PKIB: variants seen among roughly 807,000 people sequenced by gnomAD.
PKIB encodes the protein PKI-beta.
Under a neutral mutation model 4.5 loss-of-function variants are expected in PKIB, and 2 were observed. That is an observed-to-expected ratio of 0.44 (90% confidence interval 0.18 to 1.39). The LOEUF is 1.39. Among genes scored for constraint, PKIB ranks in the 40% most tolerant of loss-of-function variants. PKIB has a pLI of 0.27. For missense variants in PKIB, 94 were observed against 92.6 expected (o/e 1.02, Z -0.06); for synonymous variants, 38 against 36.0 (o/e 1.06, Z -0.20).
chr6:122,618,417 T>C (rs1299598509), intron 1 of PKIB, among the ~76,000 whole-genome samples: 1 of 152,112 alleles, frequency 6.6e-6, no homozygotes, highest in African/African-American at 2.4e-5. Context: ...GGGCAAGTAA[T>C]GTTTTCCACT....
At chr6:122,587,515 G>GATT (rs1773886908) in intron 3 of PKIB, among the ~76,000 whole-genome samples, 1 of 152,188 alleles carries the variant, frequency 6.6e-6, no homozygotes, top group Non-Finnish European at 1.5e-5. Flanking sequence ...ATAGCAGCAT[G>GATT]ATTTATAATC....
At chr6:122,608,192 C>T (rs755387701), upstream of PKIB, among the ~76,000 whole-genome samples, 23 of 152,138 alleles carry the variant, frequency 1.5e-4, no homozygotes, top group Non-Finnish European at 3.1e-4. Context: ...AGTTCTTGGA[C>T]TCTTCCTTCT....
intron 3 of PKIB, among the ~76,000 whole-genome samples, chr6:122,685,089 C>A (rs1207139210): frequency 6.6e-6 from 1 of 152,058 alleles, no homozygotes; most frequent in East Asian, 1.9e-4. Flanking sequence ...TAGTCACTTG[C>A]CCCCGGTCAT....
chr6:122,542,776 T>C (rs1013149352), intron 2 of PKIB, among the ~76,000 whole-genome samples: 1 of 152,142 alleles, frequency 6.6e-6, no homozygotes, highest in African/African-American at 2.4e-5. Context: ...CTGCAGAGGT[T>C]ACTGCTGTCT....
At chr6:122,673,633 C>T (rs1777551329) in intron 2 of PKIB, among the ~76,000 whole-genome samples, 1 of 152,170 alleles carries the variant, frequency 6.6e-6, no homozygotes, top group Non-Finnish European at 1.5e-5. Context: ...TTTTAAAATT[C>T]TTCCAAGGTG....
At chr6:122,594,089 A>G (rs1774094004) in intron 3 of PKIB, among the ~76,000 whole-genome samples, 1 of 152,196 alleles carries the variant, frequency 6.6e-6, no homozygotes, top group Non-Finnish European at 1.5e-5. Flanking sequence ...CCTTTGTACA[A>G]CCAGAAATGC....
chr6:122,640,073 G>A (rs764670694), intron 2 of PKIB, among the ~76,000 whole-genome samples: 23 of 152,120 alleles, frequency 1.5e-4, no homozygotes, highest in African/African-American at 4.6e-4. Context: ...GAGATAGTAC[G>A]TGTCACGGGG....
chr6:122,715,664 T>TATATATATAC (rs1554236012), intron 3 of PKIB, among the ~76,000 whole-genome samples: 2 of 150,282 alleles, frequency 1.3e-5, no homozygotes, highest in East Asian at 3.9e-4. Context: ...TATATATATA[T>TATATATATAC]ACATACACAT....
chr6:122,564,376 A>G (rs952183680), intron 2 of PKIB, among the ~76,000 whole-genome samples: 15 of 152,042 alleles, frequency 9.9e-5, no homozygotes, highest in African/African-American at 3.6e-4. Flanking sequence ...CTAGAATTCC[A>G]TCTCCTCTCT....
intron 2 of PKIB, among the ~76,000 whole-genome samples, chr6:122,579,359 A>T (rs1292214865): frequency 1.3e-5 from 2 of 152,002 alleles, no homozygotes; most frequent in Non-Finnish European, 2.9e-5. Context: ...ATATGCCCTA[A>T]CCTATCTTCA....
At chr6:122,527,209 C>A (rs1262723205) in intron 2 of PKIB, among the ~76,000 whole-genome samples, 2 of 152,106 alleles carry the variant, frequency 1.3e-5, no homozygotes, top group African/African-American at 4.8e-5. Context: ...CTTGTTTGAA[C>A]TATTCAGACC....
At chr6:122,595,475 G>GAGTC (rs1774150162) in intron 3 of PKIB, among the ~76,000 whole-genome samples, 1 of 152,188 alleles carries the variant, frequency 6.6e-6, no homozygotes, top group African/African-American at 2.4e-5. Flanking sequence ...AGTGGATAAG[G>GAGTC]CATTCTAGGA....
intron 2 of PKIB, among the ~76,000 whole-genome samples, chr6:122,659,721 A>G (rs1213217415): frequency 1.3e-5 from 2 of 152,142 alleles, no homozygotes; most frequent in Non-Finnish European, 2.9e-5. Context: ...GTCTTGAGCT[A>G]TTTTTCGGTA....
intron 3 of PKIB, among the ~76,000 whole-genome samples, chr6:122,601,777 C>T (rs1040044587): frequency 5.9e-5 from 9 of 152,086 alleles, no homozygotes; most frequent in Non-Finnish European, 1.2e-4. Flanking sequence ...ATATAACATA[C>T]AAAACTGTGT....
intron 2 of PKIB, among the ~76,000 whole-genome samples, chr6:122,554,088 A>C (rs1459454801): frequency 1.3e-5 from 2 of 152,236 alleles, no homozygotes; most frequent in East Asian, 1.9e-4. Context: ...AGCATTTCTT[A>C]GATTCCTTAA....
At chr6:122,537,954 T>C (rs1380346185) in intron 2 of PKIB, among the ~76,000 whole-genome samples, 2 of 152,044 alleles carry the variant, frequency 1.3e-5, no homozygotes, top group East Asian at 1.9e-4. Context: ...TTTCATGTGT[T>C]TTTTGGCTGC....
At chr6:122,480,880 G>C (rs1261356129) in intron 2 of PKIB, 1 of 151,876 alleles carries the variant, frequency 6.6e-6, no homozygotes, top group East Asian at 1.9e-4. Flanking sequence ...TGATTATAAA[G>C]TGATATTGTA....
chr6:122,589,416 T>C (rs951126434), intron 3 of PKIB, among the ~76,000 whole-genome samples: 4 of 152,112 alleles, frequency 2.6e-5, no homozygotes, highest in Non-Finnish European at 2.9e-5. Context: ...TGTAAAAGCA[T>C]TAACAAAGGG....
chr6:122,520,978 T>A (rs1473104068), intron 2 of PKIB, among the ~76,000 whole-genome samples: 1 of 152,166 alleles, frequency 6.6e-6, no homozygotes, highest in African/African-American at 2.4e-5. Context: ...CAGGTGAGTA[T>A]GACGGATGAG....
Sources: gnomAD v4.1 joint callset for allele counts (sites outside exome capture counted in the v4.1 genomes callset) on GRCh38, gnomAD v4.1.1 for gene constraint, MANE v1.5 for transcripts, NCBI Gene and HGNC (gene_info 2026-07-23, HGNC 2026-07-21) for gene names.